The following NCKAP1 variants were observed in gnomAD, a reference collection of about 807,000 sequenced individuals.
NCKAP1 encodes the protein NCK associated protein 1, also known as nck-associated protein 1.
In NCKAP1, 21 loss-of-function variants were observed where a neutral mutation model predicts 151.2. The ratio of observed to expected loss-of-function variants is 0.14; its 90% CI spans 0.10 to 0.20. The LOEUF is 0.20. Ranked by LOEUF, NCKAP1 falls within the 10% of genes least tolerant of loss-of-function variation. The pLI, the probability that NCKAP1 is intolerant of heterozygous loss-of-function variation, is 1.00. For missense variants in NCKAP1, 933 were observed against 1,352.1 expected, an observed-to-expected ratio of 0.69 and a Z score of 4.86; for synonymous variants, 484 against 451.8, an observed-to-expected ratio of 1.07 and a Z score of -0.90.
chr2:182,921,175 G>A lies in NCKAP1; in HGVS notation c.*4527C>T, dbSNP rs1459636656. 6.6e-6 allele frequency: 1 copy of A among 152,152 alleles called. No homozygotes were observed. 9.4% of individuals were successfully genotyped at this position (152,152 alleles called of 1,614,324 possible). On this transcript the variant is annotated 3_prime_UTR_variant, in exon 31 of 31. Transcript: ENST00000361354. ...AACTATCTTAAATTAGTAGTTTAATGAGTGAGCAATTTAGCACCTGATACT... is the reference window on the plus strand; with the variant it reads ...AACTATCTTAAATTAGTAGTTTAATAAGTGAGCAATTTAGCACCTGATACT...
rs889905434 is a variant in NCKAP1 at position 182,921,030 on chromosome 2, C to T, written c.*4672G>A. On this transcript the variant is annotated 3_prime_UTR_variant, in exon 31 of 31. Coordinates refer to ENST00000361354, the MANE Select transcript of NCKAP1 (RefSeq NM_013436.5). ...TTCAGTGAAATTATATCACCACTGA[C>T]CACAAAATCTTCAAATCCCAGAGTT... 3 of 152,146 alleles carry T rather than the reference C, an allele frequency of 2.0e-5. No homozygotes were observed. The highest frequency in any genetic ancestry group is 7.2e-5 in the African/African-American group (3 of 41,434). 9.4% of individuals were successfully genotyped at this position (152,146 alleles called of 1,614,324 possible).
intron 6 of NCKAP1, among the ~76,000 whole-genome samples, chr2:182,996,822 C>T (rs1003887801): frequency 6.6e-6 from 1 of 152,158 alleles, no homozygotes. Flanking sequence ...ATACAGAATA[C>T]AGGGCTGTAA....
At chr2:182,991,341 T>G (rs1474795379) in intron 8 of NCKAP1, among the ~76,000 whole-genome samples, 1 of 152,178 alleles carries the variant, frequency 6.6e-6, no homozygotes, top group African/African-American at 2.4e-5. Flanking sequence ...ATGGATCACT[T>G]GAGGTCAGGA....
rs118090441 is a variant in NCKAP1, at chr2:183,034,617, A to G, written c.108+3375T>C. Among the ~76,000 whole-genome samples, 4 of 152,264 alleles carry G rather than the reference A, an allele frequency of 2.6e-5. No individual in the cohort carries two copies. The East Asian group carries it at 7.7e-4, about 29-fold the overall frequency. On this transcript the variant is annotated intron_variant, in intron 1 of 30. Transcript: ENST00000361354. ...GGCAGTTTTGTTGAACAGTTATACAATTTCAGAAAAACAATGTTGCCCAAA... is the reference window on the plus strand; with the variant it reads ...GGCAGTTTTGTTGAACAGTTATACAGTTTCAGAAAAACAATGTTGCCCAAA...
intron 27 of NCKAP1, 105 bp downstream of exon 27, chr2:182,930,590 G>T: frequency 1.2e-6 from 1 of 844,862 alleles, no homozygotes; most frequent in Non-Finnish European, 1.9e-6. Flanking sequence ...TTAAAAAGCT[G>T]AACACAAAGC....
chr2:182,945,456 T>C (rs1262732250), intron 23 of NCKAP1, among the ~76,000 whole-genome samples: 1 of 151,972 alleles, frequency 6.6e-6, no homozygotes, highest in Non-Finnish European at 1.5e-5. Flanking sequence ...CTTTAAAATA[T>C]TACAATTCCC....
At position 182,935,239 on chromosome 2, in the gene NCKAP1, G is replaced by C. The variant is rs2105804657; in HGVS notation, c.2778+54C>G. The C allele has an allele frequency of 2.0e-5, 24 of 1,223,020 alleles. No individual in the cohort carries two copies. The South Asian group carries it at 3.4e-4, about 17-fold the overall frequency. 75.8% of individuals were successfully genotyped at this position (1,223,020 alleles called of 1,614,324 possible). On this transcript the variant is annotated intron_variant, in intron 25 of 30. Transcript: ENST00000361354. The stretch of plus-strand genomic sequence containing the variant: ...CTGAAACTTAACTTTAAATTTCTGA[G>C]AAATTAAAAGGGATTGTTTGGATAC...
intron 2 of NCKAP1, among the ~76,000 whole-genome samples, chr2:183,016,210 T>G (rs1284756622): frequency 1.3e-5 from 2 of 152,232 alleles, no homozygotes; most frequent in African/African-American, 4.8e-5. Flanking sequence ...TTCATTATCA[T>G]GTATTCATGT....
In NCKAP1 at chr2:183,038,222, C is replaced by T. The variant is rs946488424; in HGVS notation, c.-123G>A. On this transcript the variant is annotated 5_prime_UTR_variant, in exon 1 of 31. Transcript: ENST00000361354. ...CCGCGACCTCCGCCTTAGGAGAGCG[C>T]GCCCATGGCCCTCGCGCCCCAATCC... 14 of 577,468 alleles carry T rather than the reference C, an allele frequency of 2.4e-5. No homozygotes were observed. In the South Asian group the frequency reaches 3.6e-4, roughly 15 times the overall value. The allele number at this position is 577,468 out of a possible 1,614,324, so 35.8% of individuals were successfully genotyped here. A position where few individuals can be genotyped will look rare whatever the true frequency, so the allele number is the denominator to read the frequency against.
At chr2:182,983,109 G>A (rs1343344415) in intron 11 of NCKAP1, among the ~76,000 whole-genome samples, 177 bp downstream of exon 11, 1 of 152,074 alleles carries the variant, frequency 6.6e-6, no homozygotes, top group East Asian at 1.9e-4. Context: ...TGCATATAAG[G>A]GAGAAGAATG....
intron 14 of NCKAP1, among the ~76,000 whole-genome samples, chr2:182,978,260 C>T (rs545444298): frequency 2.6e-5 from 4 of 152,148 alleles, no homozygotes; most frequent in Non-Finnish European, 5.9e-5. Flanking sequence ...AACTAAAACA[C>T]ACTATCGATC....
chr2:183,016,390 T>C (rs1446220214), intron 2 of NCKAP1, among the ~76,000 whole-genome samples: 1 of 152,224 alleles, frequency 6.6e-6, no homozygotes. Flanking sequence ...TTGTTCAAGA[T>C]AGAATTAAAG....
intron 9 of NCKAP1, among the ~76,000 whole-genome samples, chr2:182,988,374 T>C (rs562067585): frequency 6.6e-5 from 10 of 152,290 alleles, no homozygotes; most frequent in African/African-American, 2.4e-4. Flanking sequence ...AACATAAGTA[T>C]AGCAGATCCT....
chr2:182,948,573 T>A (rs1697153114), intron 23 of NCKAP1, among the ~76,000 whole-genome samples: 1 of 152,100 alleles, frequency 6.6e-6, no homozygotes, highest in Non-Finnish European at 1.5e-5. Flanking sequence ...GTTAAGTTTA[T>A]AAAATAATTG....
In NCKAP1 at chr2:183,007,996, G is replaced by A. The variant is rs183375562; in HGVS notation, c.220-4671C>T. Among the ~76,000 whole-genome samples, 9 of 152,118 alleles carry A rather than the reference G, an allele frequency of 5.9e-5. No individual in the cohort carries two copies. The East Asian group carries it at 1.7e-3, about 29-fold the overall frequency. On this transcript the variant is annotated intron_variant, in intron 2 of 30. Coordinates refer to ENST00000361354, the MANE Select transcript of NCKAP1 (RefSeq NM_013436.5). ...GGCTGGAGTGCAATGGCACAATCTC[G>A]GCTCACTGCAACCTCCTGTTACCAG...
In NCKAP1 at chr2:182,955,524, A is replaced by G. The variant is rs561861588; in HGVS notation, c.2153+938T>C. Among the ~76,000 whole-genome samples the G allele has an allele frequency of 4.6e-5, 7 of 152,308 alleles. No individual in the cohort carries two copies. In the East Asian group the frequency reaches 1.2e-3, roughly 25 times the overall value. ...ACATACATAAAATATATATTCATAT[A>G]TAACAGGAAATTCTAATTAGAATTG... On this transcript the variant is annotated intron_variant, in intron 20 of 30. Transcript: ENST00000361354.
chr2:182,956,635 C>T, intron 19 of NCKAP1, 42 bp from the exon 20 acceptor site: 1 of 1,553,302 alleles, frequency 6.4e-7, no homozygotes, highest in Non-Finnish European at 8.7e-7. Flanking sequence ...CACATGTCAT[C>T]ACAGGCAATA....
intron 20 of NCKAP1, 50 bp downstream of exon 20, chr2:182,956,412 C>T: frequency 6.4e-7 from 1 of 1,562,096 alleles, no homozygotes; most frequent in Admixed American, 1.8e-5. Context: ...AATTAAATAA[C>T]AAACTCATTA....
intron 18 of NCKAP1, 60 bp downstream of exon 18, chr2:182,962,099 A>C: frequency 6.5e-7 from 1 of 1,534,576 alleles, no homozygotes; most frequent in Non-Finnish European, 8.8e-7. Context: ...ACTGGCTAAA[A>C]GCACATTTTC....
Sources: allele counts gnomAD v4.1 joint callset (sites outside exome capture counted in the v4.1 genomes callset), GRCh38; gene constraint gnomAD v4.1.1; transcripts MANE v1.5; gene names NCBI Gene and HGNC (gene_info 2026-07-23, HGNC 2026-07-21).